Variants in PALM2AKAP2 observed in about 807,000 individuals in gnomAD.
The protein encoded by PALM2AKAP2 is PALM2 and AKAP2 fusion.
A neutral mutation model predicts 71.5 loss-of-function variants in PALM2AKAP2; 37 were observed. The ratio of observed to expected loss-of-function variants is 0.52; its 90% confidence interval spans 0.40 to 0.68. The LOEUF is 0.68. PALM2AKAP2 is among the 30% of genes least tolerant of loss of function. The pLI is 0.00. For synonymous variants in PALM2AKAP2, 468 were observed against 478.8 expected (o/e 0.98, Z 0.29); for missense variants, 1,224 against 1,191.8 (o/e 1.03, Z -0.40).
intron 6 of PALM2AKAP2, among the ~76,000 whole-genome samples, chr9:109,971,724 C>T (rs1423690975): frequency 6.6e-6 from 1 of 152,184 alleles, no homozygotes; most frequent in African/African-American, 2.4e-5. Context: ...CCGCGCCCAG[C>T]CAAGATACAT....
chr9:109,674,365 C>T (rs2118499053), intron 1 of PALM2AKAP2, among the ~76,000 whole-genome samples: 1 of 152,060 alleles, frequency 6.6e-6, no homozygotes, highest in East Asian at 1.9e-4. Context: ...CTACAGGTCA[C>T]ATTTTCCTTC....
exon 4 of PALM2AKAP2, chr9:110,170,433 T>G: frequency 6.6e-6 from 1 of 152,246 alleles, no homozygotes; most frequent in Admixed American, 6.6e-5. Flanking sequence ...GTGTTGACTT[T>G]GGGGGGGGAC....
intron 1 of PALM2AKAP2, among the ~76,000 whole-genome samples, chr9:109,707,963 C>G (rs1440269394): frequency 6.6e-6 from 1 of 152,138 alleles, no homozygotes; most frequent in Non-Finnish European, 1.5e-5. Flanking sequence ...CCAGGCCAAG[C>G]CCAGTGCCTT....
chr9:109,745,587 G>A (rs1828788151), intron 1 of PALM2AKAP2, among the ~76,000 whole-genome samples: 1 of 151,874 alleles, frequency 6.6e-6, no homozygotes, highest in Non-Finnish European at 1.5e-5. Context: ...TCCTGTTTTA[G>A]GTTATTCAAA....
chr9:110,050,668 C>T (rs1362640161), intron 1 of PALM2AKAP2, among the ~76,000 whole-genome samples: 1 of 151,750 alleles, frequency 6.6e-6, no homozygotes, highest in Non-Finnish European at 1.5e-5. Context: ...GCTCTTGTTG[C>T]CCAGGCTGGA....
At chr9:109,721,316 CAG>C (rs149891192) in intron 1 of PALM2AKAP2, among the ~76,000 whole-genome samples, 7,152 of 152,192 alleles carry the variant, frequency 0.047, 262 homozygotes, top group Non-Finnish European at 0.074. Context: ...GGCTGAGTGA[CAG>C]GGAGCAGCAA....
chr9:109,798,068 A>G (rs542257554), intron 1 of PALM2AKAP2, among the ~76,000 whole-genome samples: 1 of 152,324 alleles, frequency 6.6e-6, no homozygotes, highest in African/African-American at 2.4e-5. Context: ...GTTGTGAGGA[A>G]GGATCTGTTC....
intron 2 of PALM2AKAP2, 79 bp from the exon 9 acceptor site, chr9:110,156,240 T>A (rs368796504): frequency 6.8e-7 from 1 of 1,469,030 alleles, no homozygotes. Flanking sequence ...GTTGTTGCTC[T>A]TTTATTTGCC....
chr9:110,112,925 A>G lies in PALM2AKAP2; in HGVS notation c.157-23202A>G, dbSNP rs975952059. ...TGGTCTAATGCCCAGCATATCATAA[A>G]TGCTCAACAAAGGTTATGAGCACCT... On this transcript the variant is annotated intron_variant, in intron 1 of 3. Transcript: ENST00000374525. Among the ~76,000 whole-genome samples the G allele has an allele frequency of 7.9e-5, 12 of 152,380 alleles. 1 individual carries two copies. The South Asian group carries it at 2.3e-3, about 29-fold the overall frequency.
chr9:109,915,346 A>G (rs1192024346), intron 3 of PALM2AKAP2, among the ~76,000 whole-genome samples: 1 of 152,222 alleles, frequency 6.6e-6, no homozygotes. Flanking sequence ...GTTTCTGGAG[A>G]GCAATTAAGT....
chr9:109,955,024 C>T (rs1831721239), intron 6 of PALM2AKAP2, among the ~76,000 whole-genome samples: 1 of 152,048 alleles, frequency 6.6e-6, no homozygotes, highest in Non-Finnish European at 1.5e-5. Context: ...TTTTTACCAC[C>T]TTCTATTATT....
intron 1 of PALM2AKAP2, among the ~76,000 whole-genome samples, chr9:109,715,393 C>A (rs549006075): frequency 6.6e-6 from 1 of 152,316 alleles, no homozygotes; most frequent in South Asian, 2.1e-4. Flanking sequence ...GACTCATTTA[C>A]TTCTCCCTGC....
chr9:109,866,919 G>T (rs1829462602), intron 1 of PALM2AKAP2: 1 of 411,862 alleles, frequency 2.4e-6, no homozygotes, highest in Admixed American at 2.6e-5. Flanking sequence ...CTACCCCAAG[G>T]CTAGTGGCAG....
intron 3 of PALM2AKAP2, among the ~76,000 whole-genome samples, chr9:109,902,890 C>T (rs1830360820): frequency 6.6e-6 from 1 of 152,166 alleles, no homozygotes; most frequent in African/African-American, 2.4e-5. Context: ...TGTGCATGCC[C>T]ATAAGTGCCG....
intron 1 of PALM2AKAP2, among the ~76,000 whole-genome samples, chr9:109,851,873 A>G (rs1488890996): frequency 6.6e-6 from 1 of 152,172 alleles, no homozygotes; most frequent in African/African-American, 2.4e-5. Flanking sequence ...TAACTGGGTC[A>G]CCTCTATTAG....
chr9:109,689,901 C>T (rs535895880), intron 1 of PALM2AKAP2, among the ~76,000 whole-genome samples: 1 of 152,324 alleles, frequency 6.6e-6, no homozygotes, highest in East Asian at 1.9e-4. Context: ...CACCACCCAA[C>T]TGAATGACTC....
chr9:110,069,849 T>A (rs1834166446), intron 1 of PALM2AKAP2, among the ~76,000 whole-genome samples: 1 of 152,242 alleles, frequency 6.6e-6, no homozygotes, highest in Admixed American at 6.5e-5. Context: ...TCAGCAGTGA[T>A]GCAAACATGA....
chr9:109,662,525 T>A (rs1003555681), intron 1 of PALM2AKAP2, among the ~76,000 whole-genome samples: 20 of 152,216 alleles, frequency 1.3e-4, no homozygotes, highest in African/African-American at 4.8e-4. Context: ...GCCAACTTGA[T>A]CATGGTGGAT....
intron 1 of PALM2AKAP2, among the ~76,000 whole-genome samples, chr9:109,748,169 CT>C: frequency 6.6e-6 from 1 of 151,958 alleles, no homozygotes; most frequent in South Asian, 2.1e-4. Flanking sequence ...GTTGTGTTTT[CT>C]TTTTTTTCTT....
Sources: allele counts gnomAD v4.1 joint callset (sites outside exome capture counted in the v4.1 genomes callset), GRCh38; gene constraint gnomAD v4.1.1; transcripts MANE v1.5; gene names NCBI Gene and HGNC (gene_info 2026-07-23, HGNC 2026-07-21).